ATM: variants seen among roughly 807,000 people sequenced by gnomAD.
The protein encoded by ATM is ATM serine/threonine kinase, also known as serine-protein kinase ATM.
In ATM, 308 loss-of-function variants were observed where a neutral mutation model predicts 387.0. The observed-to-expected ratio is 0.80, with a 90% CI of 0.73 to 0.87. ATM has a LOEUF of 0.87. Ranked by LOEUF, ATM falls within the 40% of genes least tolerant of loss-of-function variation. The probability of loss-of-function intolerance (pLI) is 0.00; values close to 1 mark genes in which losing one functional copy is unlikely to be tolerated. For missense variants in ATM, 3,312 were observed against 3,560.9 expected, an observed-to-expected ratio of 0.93 and a Z score of 1.78; for synonymous variants, 1,156 against 1,187.3, an observed-to-expected ratio of 0.97 and a Z score of 0.54.
chr11:108,295,119 CAA>C, intron 32 of ATM, 60 bp downstream of exon 32: 1 of 1,599,166 alleles, frequency 6.3e-7, no homozygotes, highest in Non-Finnish European at 8.6e-7. Flanking sequence ...GAATATTTTG[CAA>C]AGTCTTGCTC....
rs766142982 is a variant in ATM, at chr11:108,345,716, ATAAT to A, written c.8419-24_8419-21del. On this transcript the variant is annotated intron_variant, in intron 57 of 62. Transcript: ENST00000675843. ...GTTTAATTGAACACAATATTGAAAAATAATTATATATATTCTCTATTTAAAGGAG... is the reference window on the plus strand; with the variant it reads ...GTTTAATTGAACACAATATTGAAAAATATATATATTCTCTATTTAAAGGAG... The A allele has an allele frequency of 4.7e-6, 7 of 1,480,296 alleles. No homozygotes were observed. The highest frequency in any genetic ancestry group is 1.4e-5 in the African/African-American group (1 of 70,020). The allele number at this position is 1,480,296 out of a possible 1,614,324, so 91.7% of individuals were successfully genotyped here. A position where few individuals can be genotyped will look rare whatever the true frequency, so the allele number is the denominator to read the frequency against.
intron 25 of ATM, among the ~76,000 whole-genome samples, chr11:108,283,869 G>A (rs1451268604): frequency 1.3e-5 from 2 of 151,986 alleles, no homozygotes; most frequent in Non-Finnish European, 2.9e-5. Flanking sequence ...GTTTTTCAAG[G>A]GTCAACTGCA....
chr11:108,256,686 G>A (rs956122002), intron 14 of ATM, among the ~76,000 whole-genome samples: 4 of 152,008 alleles, frequency 2.6e-5, no homozygotes, highest in Non-Finnish European at 4.4e-5. Context: ...CCCCCTGTCA[G>A]GCCCTGGTGT....
rs11212582 is a variant in ATM at position 108,295,431 on chromosome 11, A to G, written c.4909+372A>G. 1,095 of 247,654 alleles carry G rather than the reference A, an allele frequency of 4.4e-3. 6 individuals carry two copies. The highest frequency in any genetic ancestry group is 9.6e-3 in the East Asian group (90 of 9,348). 15.3% of individuals were successfully genotyped at this position (247,654 alleles called of 1,614,324 possible). Reference sequence around the variant, plus strand: ...GACCTTGAATTCCTGGGTACAAGGAATTCTCCTGTCTCAGCCTTCTGAATA... The same window carrying G: ...GACCTTGAATTCCTGGGTACAAGGAGTTCTCCTGTCTCAGCCTTCTGAATA... On this transcript the variant is annotated intron_variant, in intron 32 of 62. Coordinates refer to ENST00000675843, the MANE Select transcript of ATM (RefSeq NM_000051.4).
rs1591503977 is a variant in ATM at position 108,244,877 on chromosome 11, T to G, written c.752T>G (p.Val251Gly). ...KTLAVNFRIR[V>G]CELGDEILPT... ...TTGGCTGTCAACTTTCGAATTCGAGTGTGTGAATTAGGAGATGAAATTCTT... is the reference window on the plus strand; with the variant it reads ...TTGGCTGTCAACTTTCGAATTCGAGGGTGTGAATTAGGAGATGAAATTCTT... The change falls in exon 7 of 63, where the codon GTG becomes GGG. Residue 251 changes from valine to glycine, a missense_variant. This residue lies in a region of ATM where 1,791 missense variants were observed against 1,804.5 expected (regional missense o/e 0.99). Coordinates refer to ENST00000675843, the MANE Select transcript of ATM (RefSeq NM_000051.4). 6.2e-7 allele frequency: 1 copy of G among 1,613,844 alleles called. No individual in the cohort carries two copies.
At chr11:108,225,680 G>T (rs957543146) in intron 1 of ATM, 3 of 152,178 alleles carry the variant, frequency 2.0e-5, no homozygotes, top group Admixed American at 6.5e-5. Context: ...CACGATGTTG[G>T]CCAGGCTGGC....
Position 108,288,944 on chromosome 11 carries a change from CGAT to C in ATM, c.4110-30_4110-28del, listed in dbSNP as rs2082635358. 3 of 1,612,766 alleles carry C rather than the reference CGAT, an allele frequency of 1.9e-6. No homozygotes were observed. The African/African-American group carries it at 4.0e-5, about 22-fold the overall frequency. ...GGTCTATGAACAAAACTTTTTAAAACGATGACTGTATTTTTTCCCTTAACTCTG... is the reference window on the plus strand; with the variant it reads ...GGTCTATGAACAAAACTTTTTAAAACGACTGTATTTTTTCCCTTAACTCTG... On this transcript the variant is annotated intron_variant, in intron 27 of 62. Transcript: ENST00000675843.
chr11:108,240,593 C>T (rs1565364410), intron 5 of ATM, among the ~76,000 whole-genome samples: 1 of 152,152 alleles, frequency 6.6e-6, no homozygotes, highest in Non-Finnish European at 1.5e-5. Context: ...CTGTAGGCAG[C>T]TGTAACACAA....
At chr11:108,259,493 A>C (rs1048152350) in intron 16 of ATM, among the ~76,000 whole-genome samples, 1 of 152,196 alleles carries the variant, frequency 6.6e-6, no homozygotes, top group Non-Finnish European at 1.5e-5. Flanking sequence ...CTCAAAAATA[A>C]AAAAATTTAA....
At chr11:108,310,927 A>C (rs1404224992) in intron 39 of ATM, among the ~76,000 whole-genome samples, 1 of 152,170 alleles carries the variant, frequency 6.6e-6, no homozygotes, top group Non-Finnish European at 1.5e-5. Context: ...AAGAGTAAAA[A>C]ATAAAGTAAA....
intron 22 of ATM, 123 bp from the exon 23 acceptor site, chr11:108,279,368 C>G (rs759162762): frequency 2.2e-5 from 16 of 733,730 alleles, no homozygotes; most frequent in Non-Finnish European, 2.9e-5. Context: ...TAAGAAAGAG[C>G]TAGTATGTTA....
intron 8 of ATM, among the ~76,000 whole-genome samples, chr11:108,247,720 C>T (rs780524918): frequency 4.6e-5 from 7 of 152,054 alleles, no homozygotes; most frequent in Non-Finnish European, 8.8e-5. Flanking sequence ...ATCAGCCTCC[C>T]GAGTAGCTGG....
At chr11:108,344,359 G>C (rs2088010052) in intron 57 of ATM, among the ~76,000 whole-genome samples, 1 of 152,122 alleles carries the variant, frequency 6.6e-6, no homozygotes, top group Admixed American at 6.5e-5. Flanking sequence ...TATAAGCAAA[G>C]GAGAGGAGAC....
At chr11:108,275,977 C>T (rs1167476597) in intron 22 of ATM, among the ~76,000 whole-genome samples, 1 of 152,172 alleles carries the variant, frequency 6.6e-6, no homozygotes, top group African/African-American at 2.4e-5. Context: ...CCATTCTCCC[C>T]ATCACTTTCA....
rs1381361389 is a variant in ATM, at chr11:108,368,169, A to G, written c.*2661A>G. ...TTTACATACAGATCACAAGCCTAGG[A>G]GAAATAACTAATTCACAGATGACAG... On this transcript the variant is annotated 3_prime_UTR_variant, in exon 63 of 63. Coordinates refer to ENST00000675843, the MANE Select transcript of ATM (RefSeq NM_000051.4). The G allele has an allele frequency of 9.6e-6, 2 of 207,306 alleles. No individual in the cohort carries two copies. The highest frequency in any genetic ancestry group is 1.9e-4 in the South Asian group (1 of 5,312). The allele number at this position is 207,306 out of a possible 1,614,324, so 12.8% of individuals were successfully genotyped here.
chr11:108,227,650 T>G lies in ATM; in HGVS notation c.26T>G (p.Leu9Arg). 1 of 1,613,870 alleles carries G rather than the reference T, an allele frequency of 6.2e-7. No individual in the cohort carries two copies. The highest frequency in any genetic ancestry group is 1.7e-4 in the Middle Eastern group (1 of 6,058). Reference sequence around the variant, plus strand: ...ATGAGTCTAGTACTTAATGATCTGCTTATCTGCTGCCGTCAACTAGAACAT... The same window carrying G: ...ATGAGTCTAGTACTTAATGATCTGCGTATCTGCTGCCGTCAACTAGAACAT... MSLVLNDLLICCRQLEHDR... is the reference protein window; with the variant it reads MSLVLNDLRICCRQLEHDR... Residue 9 changes from leucine to arginine, a missense_variant, in exon 2 of 63, where the codon CTT (leucine) becomes CGT (arginine). Leu to Arg is a moderately radical substitution (Grantham distance 102, BLOSUM62 -2). Coordinates refer to ENST00000675843, the MANE Select transcript of ATM (RefSeq NM_000051.4).
At chr11:108,347,212 A>T (rs2088527144) in intron 58 of ATM, 67 bp from the exon 59 acceptor site, 8 of 1,225,158 alleles carry the variant, frequency 6.5e-6, no homozygotes. Flanking sequence ...CTTAATTGAA[A>T]TTATGGCTAT....
At chr11:108,303,156 T>C in intron 36 of ATM, 127 bp downstream of exon 36, 1 of 986,176 alleles carries the variant, frequency 1.0e-6, no homozygotes, top group Middle Eastern at 3.3e-4. Flanking sequence ...TTTATTAAAG[T>C]GAGCATCCGT....
intron 39 of ATM, among the ~76,000 whole-genome samples, chr11:108,312,162 C>T (rs1172722435): frequency 6.6e-6 from 1 of 152,194 alleles, no homozygotes; most frequent in Non-Finnish European, 1.5e-5. Context: ...ACAATCCAAT[C>T]TCTTTATAAA....
Sources: gnomAD v4.1 joint callset for allele counts (sites outside exome capture counted in the v4.1 genomes callset) on GRCh38, gnomAD v4.1.1 for gene constraint, gnomAD v4.1.1 regional missense constraint, MANE v1.5 for transcripts, NCBI Gene and HGNC (gene_info 2026-07-23, HGNC 2026-07-21) for gene names.